The following ZNF251 variants were observed in gnomAD, a reference collection of about 807,000 sequenced individuals.
The protein encoded by ZNF251 is zinc finger protein 251.
ZNF251 carries 14 observed loss-of-function variants against 13.5 expected under a neutral mutation model. The observed-to-expected ratio is 1.04, with a 90% confidence interval of 0.69 to 1.63. ZNF251 has a LOEUF of 1.63. Among genes scored for constraint, ZNF251 ranks in the 40% most tolerant of loss-of-function variants. ZNF251 has a pLI of 0.00. For synonymous variants in ZNF251, 287 were observed against 295.2 expected (o/e 0.97, Z 0.28); for missense variants, 764 against 834.9 (o/e 0.92, Z 1.05).
At chr8:144,732,552 C>G (rs1056239093) in intron 4 of ZNF251, among the ~76,000 whole-genome samples, 1 of 152,188 alleles carries the variant, frequency 6.6e-6, no homozygotes, top group Admixed American at 6.5e-5. Flanking sequence ...GTGGCTCACG[C>G]CTGTAATCCC....
chr8:144,729,067 G>A (rs375075966), intron 4 of ZNF251, among the ~76,000 whole-genome samples: 98 of 131,944 alleles, frequency 7.4e-4, no homozygotes, highest in African/African-American at 2.5e-3. Flanking sequence ...CAGCCTGGGC[G>A]ACGAGCAAGA....
intron 4 of ZNF251, among the ~76,000 whole-genome samples, chr8:144,739,496 AAT>A (rs1824061016): frequency 6.6e-6 from 1 of 152,204 alleles, no homozygotes; most frequent in African/African-American, 2.4e-5. Context: ...CTTTCTACAA[AAT>A]ATAGAGCCCA....
intron 4 of ZNF251, among the ~76,000 whole-genome samples, chr8:144,724,569 A>G (rs1399780065): frequency 6.6e-6 from 1 of 152,170 alleles, no homozygotes; most frequent in East Asian, 1.9e-4. Flanking sequence ...TTGTCCCCCA[A>G]ACTACTCCCC....
At chr8:144,750,757 C>T (rs1422949962) in intron 4 of ZNF251, among the ~76,000 whole-genome samples, 1 of 151,992 alleles carries the variant, frequency 6.6e-6, no homozygotes, top group Non-Finnish European at 1.5e-5. Flanking sequence ...ACATTTTAGG[C>T]TTACCCATCT....
chr8:144,752,404 C>T (rs1274990742), intron 4 of ZNF251, among the ~76,000 whole-genome samples: 1 of 152,048 alleles, frequency 6.6e-6, no homozygotes, highest in African/African-American at 2.4e-5. Context: ...AGGAAAACAC[C>T]AACTATCTGG....
intron 4 of ZNF251, among the ~76,000 whole-genome samples, chr8:144,725,004 T>C (rs1823476818): frequency 1.4e-5 from 2 of 141,734 alleles, no homozygotes; most frequent in Non-Finnish European, 3.2e-5. Context: ...CCACCTTTTT[T>C]CTTTCTTTCT....
At chr8:144,743,150 G>A (rs528420059) in intron 4 of ZNF251, among the ~76,000 whole-genome samples, 42 of 152,226 alleles carry the variant, frequency 2.8e-4, no homozygotes, top group African/African-American at 8.4e-4. Flanking sequence ...TGCAAACTCC[G>A]CCTCCCGGGT....
At chr8:144,738,554 C>T (rs900597478) in intron 4 of ZNF251, 1 of 985,428 alleles carries the variant, frequency 1.0e-6, no homozygotes, top group Non-Finnish European at 1.2e-6. Context: ...CCGGCCCCTT[C>T]CTCATGGTGT....
At position 144,734,195 on chromosome 8, in the gene ZNF251, G is replaced by A. The variant is rs1162587675; in HGVS notation, c.278-10813C>T. 6.6e-6 allele frequency among the ~76,000 whole-genome samples: 1 copy of A among 152,208 alleles called. No homozygotes were observed. The highest frequency in any genetic ancestry group is 1.5e-5 in the Non-Finnish European group (1 of 68,040). The stretch of plus-strand genomic sequence containing the variant: ...CTTTGTCCCAGCGCTGAGCCGAGCG[G>A]AGCTCCTGGCTGTAAGGACACCTCC... On this transcript the variant is annotated intron_variant, in intron 4 of 4. Transcript: ENST00000292562. This position sits in a 1 kb window ranked among gnomAD's most constrained non-coding sequence, Gnocchi z 4.4.
intron 4 of ZNF251, among the ~76,000 whole-genome samples, chr8:144,741,681 G>A (rs1824173688): frequency 6.6e-6 from 1 of 152,132 alleles, no homozygotes; most frequent in Admixed American, 6.6e-5. Flanking sequence ...GAATAAAACA[G>A]TCATTCTGGA....
intron 4 of ZNF251, among the ~76,000 whole-genome samples, chr8:144,741,871 G>A (rs1230024870): frequency 6.6e-6 from 1 of 152,100 alleles, no homozygotes; most frequent in Non-Finnish European, 1.5e-5. Flanking sequence ...AATTCAAATG[G>A]TCACTTATAA....
chr8:144,725,803 C>A (rs1823501165), intron 4 of ZNF251, among the ~76,000 whole-genome samples: 1 of 152,194 alleles, frequency 6.6e-6, no homozygotes. Flanking sequence ...ATCTCATTCA[C>A]AATGACGGAT....
In ZNF251 at chr8:144,743,186, C is replaced by T. The variant is rs535679559; in HGVS notation, c.277+10497G>A. 3.3e-5 allele frequency among the ~76,000 whole-genome samples: 5 copies of T among 152,342 alleles called. No individual in the cohort carries two copies. In the East Asian group the frequency reaches 9.6e-4, roughly 29 times the overall value. On this transcript the variant is annotated intron_variant, in intron 4 of 4. Transcript: ENST00000292562. ...TCAAGTGATTCTCCTGCCTCAGCCT[C>T]CTGAGTAGCTGGGATTACAGGCACC... is the stretch of plus-strand genomic sequence containing the variant.
chr8:144,754,667 G>T, intron 2 of ZNF251, 29 bp downstream of exon 2: 1 of 1,594,280 alleles, frequency 6.3e-7, no homozygotes, highest in Middle Eastern at 1.7e-4. Context: ...TGAAGATGAA[G>T]AGGTGGGCAG....
chr8:144,741,337 G>C (rs571488049), intron 4 of ZNF251, among the ~76,000 whole-genome samples: 3 of 152,250 alleles, frequency 2.0e-5, no homozygotes, highest in South Asian at 4.2e-4. Context: ...CTGGTGACCA[G>C]CTGCACAGAT....
chr8:144,755,449 C>T lies in ZNF251; in HGVS notation c.-120G>A, dbSNP rs1016186677. 32 of 1,286,968 alleles carry T rather than the reference C, an allele frequency of 2.5e-5. No individual in the cohort carries two copies. Among genetic ancestry groups the T allele is most frequent in the Non-Finnish European group, 3.1e-5 (31 of 988,832 alleles). 79.7% of individuals were successfully genotyped at this position (1,286,968 alleles called of 1,614,324 possible). Reference sequence around the variant, plus strand: ...AAGCCACCGAGGAAGCGCCGAGGAGCTGCGCAGTCGCACCGAGCCCGGAAC... The same window carrying T: ...AAGCCACCGAGGAAGCGCCGAGGAGTTGCGCAGTCGCACCGAGCCCGGAAC... On this transcript the variant is annotated 5_prime_UTR_variant, in exon 1 of 5. Transcript: ENST00000292562.
chr8:144,753,057 G>C (rs921637314), intron 4 of ZNF251, among the ~76,000 whole-genome samples: 3 of 151,908 alleles, frequency 2.0e-5, no homozygotes, highest in Admixed American at 2.0e-4. Context: ...TGGATCACTT[G>C]ATCTCAAGAA....
chr8:144,744,641 T>C (rs1416264727), intron 4 of ZNF251, among the ~76,000 whole-genome samples: 1 of 152,180 alleles, frequency 6.6e-6, no homozygotes, highest in African/African-American at 2.4e-5. Flanking sequence ...GAACTTGCAC[T>C]TTCTCTCTCC....
chr8:144,728,601 T>C (rs1379886107), intron 4 of ZNF251, among the ~76,000 whole-genome samples: 1 of 145,118 alleles, frequency 6.9e-6, no homozygotes, highest in Admixed American at 7.0e-5. Context: ...AGGCGGAGCT[T>C]GCAGTGAGCC....
Sources: gnomAD v4.1 joint callset for allele counts (sites outside exome capture counted in the v4.1 genomes callset) on GRCh38, gnomAD v4.1.1 for gene constraint, Gnocchi (gnomAD v3.1) non-coding constraint, MANE v1.5 for transcripts, NCBI Gene and HGNC (gene_info 2026-07-23, HGNC 2026-07-21) for gene names.